NOP58: variants seen among roughly 807,000 people sequenced by gnomAD.
NOP58 encodes NOP58 ribonucleoprotein.
A neutral mutation model predicts 71.2 loss-of-function variants in NOP58; 44 were observed. The observed-to-expected ratio is 0.62, with a 90% CI of 0.49 to 0.79. The LOEUF is 0.79. Among genes scored for constraint, NOP58 ranks in the 30% least tolerant of loss-of-function variants. The pLI, the probability that NOP58 is intolerant of heterozygous loss-of-function variation, is 0.00. For missense variants in NOP58, 538 were observed against 620.2 expected (o/e 0.87, Z 1.41); for synonymous variants, 228 against 200.3 (o/e 1.14, Z -1.17).
intron 12 of NOP58, among the ~76,000 whole-genome samples, chr2:202,298,884 A>G (rs766260328): frequency 5.3e-5 from 8 of 151,918 alleles, no homozygotes; most frequent in Middle Eastern, 3.2e-3. Flanking sequence ...GTATGTATCA[A>G]GATTCTTCAA....
Position 202,275,093 on chromosome 2 carries a change from A to G in NOP58, c.46-20A>G. The stretch of plus-strand genomic sequence containing the variant: ...TCACCTGTACCATTTAAATAAAACT[A>G]TTTAAACATTTTATTACAGGTTCTA... On this transcript the variant is annotated intron_variant, in intron 1 of 14. Coordinates refer to ENST00000264279, the MANE Select transcript of NOP58 (RefSeq NM_015934.5). The G allele has an allele frequency of 1.6e-6, 2 of 1,267,586 alleles. No homozygotes were observed. Among genetic ancestry groups the G allele is most frequent in the South Asian group, 2.5e-5 (2 of 78,574 alleles). The allele number at this position is 1,267,586 out of a possible 1,614,324, so 78.5% of individuals were successfully genotyped here.
intron 13 of NOP58, among the ~76,000 whole-genome samples, chr2:202,301,453 G>T (rs1689092058): frequency 6.6e-6 from 1 of 152,122 alleles, no homozygotes; most frequent in Admixed American, 6.6e-5. Flanking sequence ...AAACTGCTGG[G>T]ATTACAGGCA....
chr2:202,288,833 A>T (rs1218433382), intron 6 of NOP58, among the ~76,000 whole-genome samples: 1 of 151,706 alleles, frequency 6.6e-6, no homozygotes, highest in African/African-American at 2.4e-5. Flanking sequence ...AAAACAAAGT[A>T]TTCGGCTGGG....
In NOP58 at chr2:202,272,780, T is replaced by C. The variant is rs1363187742; in HGVS notation, c.46-2333T>C. On this transcript the variant is annotated intron_variant, in intron 1 of 14. Coordinates refer to ENST00000264279, the MANE Select transcript of NOP58 (RefSeq NM_015934.5). ...GACTCATGAGTAAAATTCACATTTT[T>C]TCTAGCTGAAAAGCAAGTATATTTG... 2.6e-5 allele frequency among the ~76,000 whole-genome samples: 4 copies of C among 152,330 alleles called. No individual in the cohort carries two copies. In the East Asian group the frequency reaches 7.7e-4, roughly 29 times the overall value.
At chr2:202,276,686 A>C (rs1230401978) in intron 2 of NOP58, among the ~76,000 whole-genome samples, 1 of 151,922 alleles carries the variant, frequency 6.6e-6, no homozygotes, top group African/African-American at 2.4e-5. Flanking sequence ...CCAAAAACAA[A>C]AATTAGCTGG....
chr2:202,298,602 C>T (rs1296077011), intron 12 of NOP58, among the ~76,000 whole-genome samples: 1 of 152,170 alleles, frequency 6.6e-6, no homozygotes, highest in Non-Finnish European at 1.5e-5. Context: ...CCCTGCACTC[C>T]AGCCTGGGCA....
intron 9 of NOP58, among the ~76,000 whole-genome samples, chr2:202,293,960 A>C (rs1338422773): frequency 1.3e-5 from 2 of 152,108 alleles, no homozygotes; most frequent in Non-Finnish European, 2.9e-5. Flanking sequence ...CATTGTCTCT[A>C]CCCATTTTCA....
chr2:202,303,200 A>G (rs1049291741), intron 14 of NOP58, 143 bp downstream of exon 14: 2 of 1,309,570 alleles, frequency 1.5e-6, no homozygotes, highest in African/African-American at 1.5e-5. Context: ...GCTTTGTTGT[A>G]TTTATATTAT....
intron 8 of NOP58, among the ~76,000 whole-genome samples, chr2:202,292,432 A>G (rs966189008): frequency 5.9e-5 from 9 of 151,864 alleles, no homozygotes; most frequent in African/African-American, 2.2e-4. Flanking sequence ...AGGTCAAGAG[A>G]TAGAGACCAT....
In NOP58 at chr2:202,278,017, T is replaced by G. The variant is rs779675441; in HGVS notation, c.175+15T>G. 2 of 1,514,742 alleles carry G rather than the reference T, an allele frequency of 1.3e-6. No homozygotes were observed. Among genetic ancestry groups the G allele is most frequent in the South Asian group, 1.2e-5 (1 of 85,504 alleles). 93.8% of individuals were successfully genotyped at this position (1,514,742 alleles called of 1,614,324 possible). A position where few individuals can be genotyped will look rare whatever the true frequency, so the allele number is the denominator to read the frequency against. On this transcript the variant is annotated intron_variant, in intron 3 of 14. Coordinates refer to ENST00000264279, the MANE Select transcript of NOP58 (RefSeq NM_015934.5). ...AGCATTAGCAGGTAAAGTAAAAAAT[T>G]AGAAGCTTGCTTTTTTGAAAAAATT...
chr2:202,265,886 T>C lies in NOP58; in HGVS notation c.-56T>C. 8 of 1,611,440 alleles carry C rather than the reference T, an allele frequency of 5.0e-6. No homozygotes were observed. The highest frequency in any genetic ancestry group is 6.8e-6 in the Non-Finnish European group (8 of 1,178,122). On this transcript the variant is annotated 5_prime_UTR_variant, in exon 1 of 15. Transcript: ENST00000264279. ...TTTTGAGGCCGCGTAGTCGGTGTTT[T>C]TGAACTGACTCTACAGCTTCTGGCA...
At chr2:202,296,973 T>A (rs754429976) in intron 10 of NOP58, among the ~76,000 whole-genome samples, 2 of 152,124 alleles carry the variant, frequency 1.3e-5, no homozygotes, top group Non-Finnish European at 2.9e-5. Context: ...GACCTCGTGA[T>A]CCACTCGCCT....
intron 9 of NOP58, among the ~76,000 whole-genome samples, chr2:202,294,530 A>G (rs1688958061): frequency 6.6e-6 from 1 of 152,144 alleles, no homozygotes; most frequent in Non-Finnish European, 1.5e-5. Context: ...CCCCTCCAAG[A>G]ATGTTTGAAA....
chr2:202,273,060 G>A (rs1309315690), intron 1 of NOP58, among the ~76,000 whole-genome samples: 1 of 152,224 alleles, frequency 6.6e-6, no homozygotes, highest in Non-Finnish European at 1.5e-5. Context: ...AGGAGGTGGA[G>A]CTTGCAGTGA....
At chr2:202,298,233 C>T (rs1402924532) in intron 12 of NOP58, among the ~76,000 whole-genome samples, 1 of 152,048 alleles carries the variant, frequency 6.6e-6, no homozygotes, top group African/African-American at 2.4e-5. Flanking sequence ...TTTTTCCATG[C>T]CATTTAGTTT....
chr2:202,292,798 C>T lies in NOP58; in HGVS notation c.802C>T (p.Arg268Ter), dbSNP rs763440974. 3.1e-6 allele frequency: 5 copies of T among 1,610,744 alleles called. No individual in the cohort carries two copies. Among genetic ancestry groups the T allele is most frequent in the Non-Finnish European group, 4.2e-6 (5 of 1,177,074 alleles). ...CTAGGTGATTGAAATCTCTGAATAT[C>T]GAACCCAGCTCTATGAATATCTACA... is the stretch of plus-strand genomic sequence containing the variant. ...CTQVIEISEY[R>*]TQLYEYLQNR... Residue 268 changes from arginine (R) to a stop codon, truncating the protein, a stop_gained, in exon 9 of 15, where the codon CGA becomes TGA. Transcript: ENST00000264279. LOFTEE classifies it high-confidence loss of function.
At chr2:202,285,784 G>A (rs190256592) in intron 5 of NOP58, among the ~76,000 whole-genome samples, 37 of 152,320 alleles carry the variant, frequency 2.4e-4, no homozygotes, top group Middle Eastern at 6.8e-3. Context: ...GGGTTGTGAA[G>A]AAAATAATGG....
intron 3 of NOP58, among the ~76,000 whole-genome samples, chr2:202,281,137 C>CT (rs59956201): frequency 0.082 from 11,621 of 142,256 alleles, 1,519 homozygotes; most frequent in African/African-American, 0.28. Context: ...TTTTCTTTTT[C>CT]TTTTTTTTTT....
At chr2:202,271,144 T>TATC (rs1487275507) in intron 1 of NOP58, among the ~76,000 whole-genome samples, 1 of 152,114 alleles carries the variant, frequency 6.6e-6, no homozygotes, top group Non-Finnish European at 1.5e-5. Context: ...CAATATTCTG[T>TATC]ATCAGCTGCC....
Sources: gnomAD v4.1 joint callset for allele counts (sites outside exome capture counted in the v4.1 genomes callset) on GRCh38, gnomAD v4.1.1 for gene constraint, MANE v1.5 for transcripts, NCBI Gene and HGNC (gene_info 2026-07-23, HGNC 2026-07-21) for gene names.